EYS: variants seen among roughly 807,000 people sequenced by gnomAD.
EYS encodes EGF-like photoreceptor maintenance factor.
A neutral mutation model predicts 282.1 loss-of-function variants in EYS; 250 were observed. The observed-to-expected ratio is 0.89, with a 90% CI of 0.80 to 0.98. The LOEUF (loss-of-function observed/expected upper bound fraction) is 0.98. Among genes scored for constraint, EYS ranks in the 50% least tolerant of loss-of-function variants. The pLI, the probability that EYS is intolerant of heterozygous loss-of-function variation, is 0.00. For missense variants in EYS, 4,016 were observed against 3,709.0 expected, an observed-to-expected ratio of 1.08 and a Z score of -2.15; for synonymous variants, 1,355 against 1,282.9, an observed-to-expected ratio of 1.06 and a Z score of -1.20.
chr6:63,884,288 A>G (rs1018281829), intron 35 of EYS, among the ~76,000 whole-genome samples: 4 of 148,716 alleles, frequency 2.7e-5, no homozygotes, highest in African/African-American at 5.0e-5. Context: ...TGAAGCTTCC[A>G]TCAAGTAAGT....
chr6:65,481,683 G>T (rs933335997), intron 5 of EYS, among the ~76,000 whole-genome samples: 1 of 152,038 alleles, frequency 6.6e-6, no homozygotes, highest in Non-Finnish European at 1.5e-5. Flanking sequence ...TGAGTAGCTG[G>T]GACTACAGGT....
intron 14 of EYS, among the ~76,000 whole-genome samples, chr6:64,951,901 A>G (rs1769524868): frequency 6.6e-6 from 1 of 151,996 alleles, no homozygotes; most frequent in South Asian, 2.1e-4. Flanking sequence ...GGGCAAGAAC[A>G]ATATTTGAAA....
chr6:65,118,397 A>G (rs1253049220), intron 12 of EYS, among the ~76,000 whole-genome samples: 1 of 152,228 alleles, frequency 6.6e-6, no homozygotes, highest in Admixed American at 6.5e-5. Context: ...GTAAAGTTAA[A>G]TACTTCTCTT....
intron 18 of EYS, among the ~76,000 whole-genome samples, chr6:64,896,841 C>T (rs1456081230): frequency 1.3e-5 from 2 of 152,086 alleles, no homozygotes; most frequent in Non-Finnish European, 2.9e-5. Context: ...CCAGGAAGTT[C>T]AGACTGGTGG....
intron 5 of EYS, among the ~76,000 whole-genome samples, chr6:65,442,176 A>G (rs1298359247): frequency 6.6e-6 from 1 of 151,986 alleles, no homozygotes; most frequent in Non-Finnish European, 1.5e-5. Flanking sequence ...AGAGTTCTTC[A>G]TATATGAAAA....
In EYS at chr6:65,352,337, C is replaced by T. The variant is rs184094324; in HGVS notation, c.1459+1121G>A. Among the ~76,000 whole-genome samples the T allele has an allele frequency of 3.0e-3, 451 of 151,922 alleles. 3 individuals are homozygous for T. Among genetic ancestry groups the T allele is most frequent in the African/African-American group, 0.011 (438 of 41,514 alleles). On this transcript the variant is annotated intron_variant, in intron 9 of 42. Transcript: ENST00000503581. Reference sequence around the variant, plus strand: ...TGTTAATTTGCTGGTTGTTTGTAAACTGAAGTGCCAAAATATCACTGTCAG... The same window carrying T: ...TGTTAATTTGCTGGTTGTTTGTAAATTGAAGTGCCAAAATATCACTGTCAG...
At chr6:63,759,590 G>T (rs1769580698) in intron 41 of EYS, among the ~76,000 whole-genome samples, 1 of 152,046 alleles carries the variant, frequency 6.6e-6, no homozygotes, top group African/African-American at 2.4e-5. Flanking sequence ...ACTATTATAA[G>T]TTCATAGAGA....
chr6:64,385,556 G>C (rs1317569267), intron 29 of EYS, among the ~76,000 whole-genome samples: 1 of 152,132 alleles, frequency 6.6e-6, no homozygotes, highest in Non-Finnish European at 1.5e-5. Flanking sequence ...TGAATGTCGA[G>C]TTTTTTAGTG....
At chr6:64,219,504 G>A (rs559919052) in intron 31 of EYS, among the ~76,000 whole-genome samples, 3 of 152,162 alleles carry the variant, frequency 2.0e-5, no homozygotes, top group East Asian at 1.9e-4. Flanking sequence ...TGTTAAGAAA[G>A]AATTTTTATA....
At chr6:65,442,857 T>C (rs1768399514) in intron 5 of EYS, among the ~76,000 whole-genome samples, 1 of 128,776 alleles carries the variant, frequency 7.8e-6, no homozygotes, top group Non-Finnish European at 1.8e-5. Flanking sequence ...CATACATATG[T>C]ACATATATAC....
chr6:65,114,353 G>GAA lies in EYS; in HGVS notation c.2024-56628_2024-56627dup, dbSNP rs779655768. On this transcript the variant is annotated intron_variant, in intron 12 of 42. Transcript: ENST00000503581. ...CTTATTAAAACTCATAAGTAGATTTGAAAAAAAAAAAAGCAGCAGCAGCAG... is the reference window on the plus strand; with the variant it reads ...CTTATTAAAACTCATAAGTAGATTTGAAAAAAAAAAAAAAGCAGCAGCAGCAG... Among the ~76,000 whole-genome samples the GAA allele has an allele frequency of 5.8e-5, 8 of 138,194 alleles. No homozygotes were observed. The South Asian group carries it at 1.4e-3, about 25-fold the overall frequency. The allele number at this position is 138,194 out of a possible 152,430, so 90.7% of individuals were successfully genotyped here. A position where few individuals can be genotyped will look rare whatever the true frequency, so the allele number is the denominator to read the frequency against.
At chr6:65,287,762 T>G (rs1180128074) in intron 12 of EYS, among the ~76,000 whole-genome samples, 3 of 151,194 alleles carry the variant, frequency 2.0e-5, no homozygotes, top group Admixed American at 6.6e-5. Flanking sequence ...TTAATTTTTG[T>G]TTTTTTGCCT....
intron 28 of EYS, among the ~76,000 whole-genome samples, chr6:64,404,649 G>A (rs1773650218): frequency 6.6e-6 from 1 of 152,110 alleles, no homozygotes. Context: ...TCAAGGGAGA[G>A]GACAATATGC....
intron 35 of EYS, among the ~76,000 whole-genome samples, chr6:63,879,785 T>C (rs1773078980): frequency 6.6e-6 from 1 of 152,168 alleles, no homozygotes; most frequent in African/African-American, 2.4e-5. Context: ...TTGATGATGA[T>C]GATGATGATT....
intron 2 of EYS, among the ~76,000 whole-genome samples, chr6:65,540,721 C>A (rs772810999): frequency 7.2e-5 from 11 of 152,032 alleles, no homozygotes; most frequent in Admixed American, 7.2e-4. Flanking sequence ...GAGTTCGAGA[C>A]CAGCCTGACT....
intron 30 of EYS, among the ~76,000 whole-genome samples, chr6:64,247,311 C>A (rs1190175879): frequency 6.6e-6 from 1 of 152,114 alleles, no homozygotes; most frequent in African/African-American, 2.4e-5. Flanking sequence ...TATGTGCTGG[C>A]AAAGACAAAT....
intron 22 of EYS, among the ~76,000 whole-genome samples, chr6:64,768,577 T>A: frequency 6.6e-6 from 1 of 152,210 alleles, no homozygotes; most frequent in East Asian, 1.9e-4. Flanking sequence ...TTCCCTTAAA[T>A]GTGTCCCTGG....
At chr6:65,548,142 C>T (rs1249603116) in intron 2 of EYS, among the ~76,000 whole-genome samples, 1 of 152,114 alleles carries the variant, frequency 6.6e-6, no homozygotes, top group African/African-American at 2.4e-5. Flanking sequence ...TACTAACAAA[C>T]TACAAAAGTG....
intron 22 of EYS, among the ~76,000 whole-genome samples, chr6:64,756,201 C>G (rs1772930880): frequency 6.6e-6 from 1 of 152,162 alleles, no homozygotes; most frequent in African/African-American, 2.4e-5. Context: ...GTTTTAAAGT[C>G]CAATTCCATA....
Sources: gnomAD v4.1 joint callset for allele counts (sites outside exome capture counted in the v4.1 genomes callset) on GRCh38, gnomAD v4.1.1 for gene constraint, MANE v1.5 for transcripts, NCBI Gene and HGNC (gene_info 2026-07-23, HGNC 2026-07-21) for gene names.